TBXAS1: variants seen among roughly 807,000 people sequenced by gnomAD.
TBXAS1 encodes thromboxane A synthase 1, also known as thromboxane-A synthase.
Under a neutral mutation model 60.7 loss-of-function variants are expected in TBXAS1, and 48 were observed. That is an observed-to-expected ratio of 0.79 (90% CI 0.63 to 1.01). The LOEUF is 1.01. Ranked by LOEUF, TBXAS1 falls within the 50% of genes least tolerant of loss-of-function variation. The pLI is 0.00. For missense variants in TBXAS1, 685 were observed against 686.3 expected, an observed-to-expected ratio of 1.00 and a Z score of 0.02; for synonymous variants, 287 against 269.7, an observed-to-expected ratio of 1.06 and a Z score of -0.63.
chr7:139,903,288 T>C (rs1196963049), intron 3 of TBXAS1, among the ~76,000 whole-genome samples: 1 of 152,142 alleles, frequency 6.6e-6, no homozygotes, highest in Non-Finnish European at 1.5e-5. Context: ...TTCCTTTTAA[T>C]GGCAGCATAG....
intron 10 of TBXAS1, among the ~76,000 whole-genome samples, chr7:140,010,634 C>T (rs2116419712): frequency 6.6e-6 from 1 of 152,310 alleles, no homozygotes; most frequent in South Asian, 2.1e-4. Context: ...AGCTGCCTGC[C>T]CTGGTTTCAG....
chr7:139,788,810 T>A (rs1797284270), intron 4 of TBXAS1, among the ~76,000 whole-genome samples: 1 of 152,224 alleles, frequency 6.6e-6, no homozygotes, highest in Non-Finnish European at 1.5e-5. Context: ...TAGACAACAG[T>A]TAATACAAAA....
intron 4 of TBXAS1, among the ~76,000 whole-genome samples, chr7:139,929,945 T>C (rs1246073410): frequency 2.6e-5 from 4 of 152,192 alleles, no homozygotes; most frequent in South Asian, 2.1e-4. Flanking sequence ...GCTCAAGATA[T>C]GTCTCTGTTC....
intron 1 of TBXAS1, among the ~76,000 whole-genome samples, chr7:139,848,031 G>A (rs571315613): frequency 6.6e-6 from 1 of 152,084 alleles, no homozygotes; most frequent in East Asian, 1.9e-4. Flanking sequence ...ATATTTCCCA[G>A]GCTGGTCTCA....
At chr7:139,900,691 A>G (rs1804497686) in intron 3 of TBXAS1, among the ~76,000 whole-genome samples, 1 of 152,212 alleles carries the variant, frequency 6.6e-6, no homozygotes, top group South Asian at 2.1e-4. Flanking sequence ...CTTTGTAGGC[A>G]GTCTGTCTAT....
intron 9 of TBXAS1, among the ~76,000 whole-genome samples, chr7:139,972,108 T>G (rs1811244918): frequency 6.6e-6 from 1 of 152,100 alleles, no homozygotes; most frequent in African/African-American, 2.4e-5. Flanking sequence ...ACTGCAACAC[T>G]CCAGCACTTT....
At position 139,916,552 on chromosome 7, in the gene TBXAS1, G is replaced by A. The variant is rs1458863212; in HGVS notation, c.333+5231G>A. Reference sequence around the variant, plus strand: ...CGAACCATCAATACCCGGCACCCTGGCTGCCCCAGGTTCAGCCTCTCAGGG... The same window carrying A: ...CGAACCATCAATACCCGGCACCCTGACTGCCCCAGGTTCAGCCTCTCAGGG... On this transcript the variant is annotated intron_variant, in intron 4 of 12. Coordinates refer to ENST00000448866, the MANE Select transcript of TBXAS1 (RefSeq NM_001061.7). The surrounding 1 kb of genome is among the most constrained non-coding windows in gnomAD (Gnocchi z 4.2). 1.3e-5 allele frequency among the ~76,000 whole-genome samples: 2 copies of A among 152,182 alleles called. No individual in the cohort carries two copies. The highest frequency in any genetic ancestry group is 4.8e-5 in the African/African-American group (2 of 41,446).
intron 4 of TBXAS1, among the ~76,000 whole-genome samples, chr7:139,818,094 A>G (rs964838377): frequency 3.9e-5 from 6 of 152,210 alleles, no homozygotes; most frequent in African/African-American, 1.4e-4. Context: ...GCTTACATCT[A>G]GAGTGTTGGT....
chr7:139,922,517 T>A (rs2117111565), intron 4 of TBXAS1, among the ~76,000 whole-genome samples: 1 of 152,352 alleles, frequency 6.6e-6, no homozygotes, highest in South Asian at 2.1e-4. Context: ...TTTTTCTGAT[T>A]GACTTGTTTT....
At chr7:139,848,472 G>A (rs1799976000) in intron 1 of TBXAS1, among the ~76,000 whole-genome samples, 1 of 152,162 alleles carries the variant, frequency 6.6e-6, no homozygotes, top group Non-Finnish European at 1.5e-5. Context: ...ATAATGCTGT[G>A]TAACAAACCA....
chr7:139,861,257 A>G (rs950933759), intron 1 of TBXAS1, among the ~76,000 whole-genome samples: 5 of 151,894 alleles, frequency 3.3e-5, no homozygotes, highest in African/African-American at 1.2e-4. Context: ...ACATATAGAC[A>G]GGGTCTCGCT....
chr7:139,811,815 T>C (rs1207550370), intron 4 of TBXAS1, among the ~76,000 whole-genome samples: 2 of 152,202 alleles, frequency 1.3e-5, no homozygotes, highest in African/African-American at 4.8e-5. Context: ...AAATGCCCCC[T>C]TTAAAATGAG....
chr7:139,911,336 T>A lies in TBXAS1; in HGVS notation c.333+15T>A. 2 of 1,604,160 alleles carry A rather than the reference T, an allele frequency of 1.2e-6. No individual in the cohort carries two copies. Among genetic ancestry groups the A allele is most frequent in the Non-Finnish European group, 1.7e-6 (2 of 1,170,890 alleles). ...CCAACAGAATGGTACGTAGTTTTCT[T>A]TCCGCATATAGATGGATGGGGAATT... On this transcript the variant is annotated intron_variant, in intron 4 of 12. Transcript: ENST00000448866.
chr7:139,846,720 C>T (rs190780037), intron 1 of TBXAS1, among the ~76,000 whole-genome samples: 127 of 152,246 alleles, frequency 8.3e-4, no homozygotes, highest in Non-Finnish European at 1.6e-3. Flanking sequence ...TTTGAATAAT[C>T]CTGGACTTAT....
chr7:139,846,157 T>G (rs1450050418), intron 1 of TBXAS1, among the ~76,000 whole-genome samples: 1 of 152,200 alleles, frequency 6.6e-6, no homozygotes, highest in East Asian at 1.9e-4. Flanking sequence ...CCAAAATCAT[T>G]GTGCAAAGGT....
intron 1 of TBXAS1, among the ~76,000 whole-genome samples, chr7:139,856,668 T>C (rs1379458639): frequency 6.6e-6 from 1 of 152,168 alleles, no homozygotes; most frequent in African/African-American, 2.4e-5. Context: ...TGCGCCTTCA[T>C]GGGTCCCATG....
chr7:140,007,255 G>C lies in TBXAS1; in HGVS notation c.1226+73G>C, dbSNP rs559430306. 27 of 1,379,760 alleles carry C rather than the reference G, an allele frequency of 2.0e-5. No homozygotes were observed. The East Asian group carries it at 2.3e-4, about 12-fold the overall frequency. 85.5% of individuals were successfully genotyped at this position (1,379,760 alleles called of 1,614,324 possible). On this transcript the variant is annotated intron_variant, in intron 10 of 12. Transcript: ENST00000448866. Reference sequence around the variant, plus strand: ...ACCCCCTGCCCCAGCCTGCAGGTCAGGGCCCTCCTCCATCAGTTACCACTT... The same window carrying C: ...ACCCCCTGCCCCAGCCTGCAGGTCACGGCCCTCCTCCATCAGTTACCACTT...
chr7:139,927,354 C>T (rs1806973461), intron 4 of TBXAS1, among the ~76,000 whole-genome samples: 2 of 149,980 alleles, frequency 1.3e-5, no homozygotes, highest in Non-Finnish European at 2.9e-5. Flanking sequence ...ATCTTGTAAA[C>T]CATTATTTTA....
chr7:139,824,657 TG>T (rs1798387401), upstream of TBXAS1, among the ~76,000 whole-genome samples: 1 of 152,172 alleles, frequency 6.6e-6, no homozygotes, highest in Non-Finnish European at 1.5e-5. Context: ...ATGATGATCT[TG>T]TTTCCATAAA....
Sources: gnomAD v4.1 joint callset for allele counts (sites outside exome capture counted in the v4.1 genomes callset) on GRCh38, gnomAD v4.1.1 for gene constraint, Gnocchi (gnomAD v3.1) non-coding constraint, MANE v1.5 for transcripts, NCBI Gene and HGNC (gene_info 2026-07-23, HGNC 2026-07-21) for gene names.